The following PSG8 variants were observed in gnomAD, a reference collection of about 807,000 sequenced individuals.
PSG8 encodes pregnancy specific beta-1-glycoprotein 8.
A neutral mutation model predicts 42.5 loss-of-function variants in PSG8; 57 were observed. The ratio of observed to expected loss-of-function variants is 1.34; its 90% CI spans 1.08 to 1.67. The LOEUF is 1.67. Among genes scored for constraint, PSG8 ranks in the 40% most tolerant of loss-of-function variants. The pLI is 0.00. For synonymous variants in PSG8, 280 were observed against 196.8 expected, an observed-to-expected ratio of 1.42 and a Z score of -3.54; for missense variants, 783 against 518.6, an observed-to-expected ratio of 1.51 and a Z score of -4.95.
chr19:42,755,007 TG>T lies in PSG8; in HGVS notation c.968del (p.Pro323GlnfsTer4). The T allele has an allele frequency of 6.2e-7, 1 of 1,613,418 alleles. No homozygotes were observed. Among genetic ancestry groups the T allele is most frequent in the African/African-American group, 1.3e-5 (1 of 75,020 alleles). On this transcript the variant is annotated frameshift_variant, in exon 4 of 5. Coordinates refer to ENST00000306511, the MANE Select transcript of PSG8 (RefSeq NM_182707.3). LOFTEE classifies it high-confidence loss of function. ...RDQYGGIRSY[P>X]VTLNVLYGPD... Reference sequence around the variant, plus strand: ...ACTCACAGAGGACATTCAGGGTGACTGGGTAACTGCGGATGCCACCATATTG... The same window carrying T: ...ACTCACAGAGGACATTCAGGGTGACTGGTAACTGCGGATGCCACCATATTG...
intron 3 of PSG8, chr19:42,756,163 G>C (rs1969921512): frequency 6.6e-6 from 1 of 152,222 alleles, no homozygotes; most frequent in Admixed American, 6.5e-5. Flanking sequence ...TGATGGATAT[G>C]AGACAAATTT....
In PSG8 at chr19:42,759,890, G is replaced by C. The variant is rs1025562020; in HGVS notation, c.431-1610C>G. ...CAGGATCACATTATGCTCAAAGAAAGATGCCAATGGTGATTTGAAATTAGC... is the reference window on the plus strand; with the variant it reads ...CAGGATCACATTATGCTCAAAGAAACATGCCAATGGTGATTTGAAATTAGC... On this transcript the variant is annotated intron_variant, in intron 2 of 4. Transcript: ENST00000306511. Among the ~76,000 whole-genome samples the C allele has an allele frequency of 1.1e-3, 169 of 152,178 alleles. 5 individuals are homozygous for C. The highest frequency in any genetic ancestry group is 0.011 in the Admixed American group (167 of 15,274).
At chr19:42,755,301 G>A (rs1222655850) in intron 3 of PSG8, 35 bp from the exon 4 acceptor site, 2 of 1,591,888 alleles carry the variant, frequency 1.3e-6, no homozygotes, top group African/African-American at 1.3e-5. Flanking sequence ...TGTCCTGTGT[G>A]GCACCTTTGA....
chr19:42,758,164 T>A lies in PSG8; in HGVS notation c.547A>T (p.Asn183Tyr), dbSNP rs1249635757. The A allele has an allele frequency of 3.7e-6, 6 of 1,613,948 alleles. No homozygotes were observed. The highest frequency in any genetic ancestry group is 5.1e-6 in the Non-Finnish European group (6 of 1,179,980). ...TGAGACATAGGGAGGCTCTGACCAT[T>A]CATCCACCACAGGTAGCTTGCGTCC... ...TPDASYLWWM[N>Y]GQSLPMSHRL... Residue 183 changes from asparagine (N) to tyrosine (Y), a missense_variant, in exon 3 of 5, where the codon AAT becomes TAT. Physicochemically the swap from Asn to Tyr is moderately radical, Grantham distance 143 (BLOSUM62 -2). Coordinates refer to ENST00000306511, the MANE Select transcript of PSG8 (RefSeq NM_182707.3).
chr19:42,764,391 GACAC>G (rs1251330230), intron 1 of PSG8, 110 bp from the exon 2 acceptor site: 4 of 1,483,350 alleles, frequency 2.7e-6, no homozygotes, highest in Non-Finnish European at 3.6e-6. Context: ...TGAAGACACA[GACAC>G]ACACACATAC....
At chr19:42,761,555 G>A (rs1173893070) in intron 2 of PSG8, among the ~76,000 whole-genome samples, 1 of 152,074 alleles carries the variant, frequency 6.6e-6, no homozygotes, top group African/African-American at 2.4e-5. Flanking sequence ...CCATACCTAT[G>A]ACTAATGGCT....
intron 2 of PSG8, among the ~76,000 whole-genome samples, chr19:42,762,549 T>C (rs1490936254): frequency 6.6e-6 from 1 of 152,084 alleles, no homozygotes; most frequent in East Asian, 1.9e-4. Flanking sequence ...TCATTTGTTA[T>C]GTGAGAGCTC....
In PSG8 at chr19:42,765,603, C is replaced by G; in HGVS notation, c.-22G>C. The G allele has an allele frequency of 6.2e-7, 1 of 1,608,736 alleles. No homozygotes were observed. The highest frequency in any genetic ancestry group is 8.5e-7 in the Non-Finnish European group (1 of 1,176,544). On this transcript the variant is annotated 5_prime_UTR_variant, in exon 1 of 5. Transcript: ENST00000306511. ...CCATGGTCTCTGCTGTCTGTGTGTT[C>G]TCCTCTGTGGAGATGAGCCTAGGAT...
At chr19:42,765,227 G>T (rs1159744401) in intron 1 of PSG8, among the ~76,000 whole-genome samples, 3 of 150,730 alleles carry the variant, frequency 2.0e-5, no homozygotes, top group Admixed American at 6.6e-5. Flanking sequence ...ATCTCAGCTA[G>T]CTGCAACTTC....
At position 42,754,570 on chromosome 19, in the gene PSG8, T is replaced by G; in HGVS notation, c.1006A>C (p.Arg336=). The change falls in exon 5 of 5, where the codon AGA becomes CGA. Residue 336 remains arginine (R), a synonymous_variant. Transcript: ENST00000306511. ...TAATAGGTGAATGAAGGGTAAATTC[T>G]GGGGAGGTCTGGACCATCTGGAGCA... ...LNVLYGPDLP[R]IYPSFTYYRS... The G allele has an allele frequency of 1.2e-6, 2 of 1,613,290 alleles. No homozygotes were observed. The highest frequency in any genetic ancestry group is 1.7e-6 in the Non-Finnish European group (2 of 1,179,472).
chr19:42,753,329 A>G (rs748952588), downstream of PSG8: 30 of 780,364 alleles, frequency 3.8e-5, no homozygotes, highest in African/African-American at 2.0e-4. Flanking sequence ...GATTCCATGG[A>G]AGAAAATGGA....
chr19:42,765,440 A>T (rs1289067421), intron 1 of PSG8, 78 bp downstream of exon 1: 11 of 1,585,676 alleles, frequency 6.9e-6, no homozygotes, highest in African/African-American at 1.4e-5. Context: ...ATTTTTTAGT[A>T]CCCCATACTC....
At chr19:42,754,695 T>A (rs1969871208) in intron 4 of PSG8, 108 bp from the exon 5 acceptor site, 1 of 1,386,254 alleles carries the variant, frequency 7.2e-7, no homozygotes, top group African/African-American at 1.5e-5. Flanking sequence ...CACCCTCAAG[T>A]CCCAGCCCAA....
intron 3 of PSG8, 62 bp from the exon 4 acceptor site, chr19:42,755,328 C>T: frequency 6.3e-7 from 1 of 1,584,128 alleles, no homozygotes; most frequent in Admixed American, 1.7e-5. Context: ...CACAGGCATC[C>T]TTCAATCAGA....
Position 42,765,157 on chromosome 19 carries a change from C to CTT in PSG8, c.64+359_64+360dup, listed in dbSNP as rs553763507. The stretch of plus-strand genomic sequence containing the variant: ...CTTCTTTCCTTTTTCTCTTTTTTCT[C>CTT]TTTTTTTTTTTTTGAGATGGAGTCT... On this transcript the variant is annotated intron_variant, in intron 1 of 4. Transcript: ENST00000306511. Among the ~76,000 whole-genome samples, 111 of 143,166 alleles carry CTT rather than the reference C, an allele frequency of 7.8e-4. 1 individual carries two copies. Among genetic ancestry groups the CTT allele is most frequent in the African/African-American group, 2.4e-3 (91 of 38,562 alleles). The allele number at this position is 143,166 out of a possible 152,430, so 93.9% of individuals were successfully genotyped here. A position where few individuals can be genotyped will look rare whatever the true frequency, so the allele number is the denominator to read the frequency against.
At position 42,754,657 on chromosome 19, in the gene PSG8, G is replaced by A; in HGVS notation, c.989-70C>T. The A allele has an allele frequency of 2.6e-6, 4 of 1,530,670 alleles. No homozygotes were observed. The Admixed American group carries it at 5.5e-5, about 21-fold the overall frequency. 94.8% of individuals were successfully genotyped at this position (1,530,670 alleles called of 1,614,324 possible). On this transcript the variant is annotated intron_variant, in intron 4 of 4. Transcript: ENST00000306511. ...AGGGGATGTTCCTGGTCTCTTAAAG[G>A]GACACAGTGACCCTCTGAGCCAAGA...
At chr19:42,761,602 A>G (rs1005850891) in intron 2 of PSG8, among the ~76,000 whole-genome samples, 3 of 152,046 alleles carry the variant, frequency 2.0e-5, no homozygotes, top group Non-Finnish European at 4.4e-5. Flanking sequence ...AGTCAGATTT[A>G]AGGGCAAACA....
chr19:42,753,132 A>G (rs1969822507), downstream of PSG8: 1 of 658,566 alleles, frequency 1.5e-6, no homozygotes, highest in Non-Finnish European at 2.8e-6. Flanking sequence ...AAAACTGTCC[A>G]CAGTGTGAAG....
chr19:42,763,913 C>A lies in PSG8; in HGVS notation c.430+3G>T, dbSNP rs1488987315. The A allele has an allele frequency of 6.2e-7, 1 of 1,613,618 alleles. No homozygotes were observed. Among genetic ancestry groups the A allele is most frequent in the East Asian group, 2.2e-5 (1 of 44,870 alleles). On this transcript the variant is annotated splice_donor_region_variant and intron_variant, in intron 2 of 4. Transcript: ENST00000306511. ...CACCCAGGGATCATGTGGAATCACT[C>A]ACGATATAAGGTGAAGGTGAAATGT...
Sources: gnomAD v4.1 joint callset for allele counts (sites outside exome capture counted in the v4.1 genomes callset) on GRCh38, gnomAD v4.1.1 for gene constraint, MANE v1.5 for transcripts, NCBI Gene and HGNC (gene_info 2026-07-23, HGNC 2026-07-21) for gene names.